KCTD16: variants seen among roughly 807,000 people sequenced by gnomAD.
KCTD16 encodes the protein BTB/POZ domain-containing protein KCTD16.
A neutral mutation model predicts 33.2 loss-of-function variants in KCTD16; 13 were observed. The ratio of observed to expected loss-of-function variants is 0.39; its 90% confidence interval spans 0.25 to 0.62. KCTD16 has a LOEUF of 0.62. KCTD16 is among the 20% of genes least tolerant of loss of function. The pLI, the probability that KCTD16 is intolerant of heterozygous loss-of-function variation, is 0.50. For missense variants in KCTD16, 441 were observed against 525.1 expected (o/e 0.84, Z 1.57); for synonymous variants, 197 against 195.3 (o/e 1.01, Z -0.07).
At chr5:144,292,878 A>G (rs1032732409) in intron 3 of KCTD16, among the ~76,000 whole-genome samples, 5 of 152,126 alleles carry the variant, frequency 3.3e-5, no homozygotes, top group African/African-American at 1.2e-4. Context: ...CGGGTTGCAC[A>G]TGTTTTAGAA....
rs138548058 is a variant in KCTD16, at chr5:144,436,958, T to C, written c.833-36702T>C. Among the ~76,000 whole-genome samples the C allele has an allele frequency of 7.2e-3, 1,098 of 152,270 alleles. 9 individuals are homozygous for C. The highest frequency in any genetic ancestry group is 0.025 in the African/African-American group (1,052 of 41,548). On this transcript the variant is annotated intron_variant, in intron 3 of 3. Coordinates refer to ENST00000512467, the MANE Select transcript of KCTD16 (RefSeq NM_020768.4). ...AAATGACTATAATAATATGTACTAC[T>C]GGTATTAATCAACATTCTTGGCTGT...
intron 3 of KCTD16, among the ~76,000 whole-genome samples, chr5:144,415,060 G>C (rs906896928): frequency 6.6e-6 from 1 of 152,128 alleles, no homozygotes; most frequent in Non-Finnish European, 1.5e-5. Context: ...GAGTTCTTGA[G>C]CCTGGGAAGT....
At chr5:144,199,707 A>ATTTTTTTTTTTTTT (rs574670606) in intron 2 of KCTD16, among the ~76,000 whole-genome samples, 2 of 67,738 alleles carry the variant, frequency 3.0e-5, no homozygotes, top group African/African-American at 1.2e-4. Context: ...GAACAGCTTC[A>ATTTTTTTTTTTTTT]TTTTTTTTTT....
rs948432959 is a variant in KCTD16, at chr5:144,304,307, G to A, written c.832+96761G>A. On this transcript the variant is annotated intron_variant, in intron 3 of 3. Transcript: ENST00000512467. The stretch of plus-strand genomic sequence containing the variant: ...TCCTGAAGTGCAGCATGAAGCACAT[G>A]TGACATAGCAGCAATAAGTCATCTT... 7.9e-5 allele frequency among the ~76,000 whole-genome samples: 12 copies of A among 152,160 alleles called. 1 individual carries two copies. The highest frequency in any genetic ancestry group is 7.2e-4 in the Admixed American group (11 of 15,280).
chr5:144,294,119 A>G (rs939958429), intron 3 of KCTD16, among the ~76,000 whole-genome samples: 6 of 152,140 alleles, frequency 3.9e-5, no homozygotes, highest in Non-Finnish European at 8.8e-5. Flanking sequence ...AGGTTGCCCC[A>G]CTACACTCCA....
intron 3 of KCTD16, among the ~76,000 whole-genome samples, chr5:144,411,795 A>T (rs1418841608): frequency 6.6e-6 from 1 of 152,218 alleles, no homozygotes; most frequent in Non-Finnish European, 1.5e-5. Context: ...CTGACAAGAG[A>T]TTAATAACCA....
In KCTD16 at chr5:144,452,297, C is replaced by T. The variant is rs552284124; in HGVS notation, c.833-21363C>T. On this transcript the variant is annotated intron_variant, in intron 3 of 3. Coordinates refer to ENST00000512467, the MANE Select transcript of KCTD16 (RefSeq NM_020768.4). ...TTGAACATACTATGTAAAATTTAAC[C>T]AATTTTAAGAAATGGGATTGGTGAA... Among the ~76,000 whole-genome samples the T allele has an allele frequency of 7.3e-5, 11 of 151,664 alleles. No homozygotes were observed. In the East Asian group the frequency reaches 1.9e-3, roughly 27 times the overall value.
intron 3 of KCTD16, among the ~76,000 whole-genome samples, chr5:144,366,464 C>A (rs2126920390): frequency 6.6e-6 from 1 of 152,294 alleles, no homozygotes; most frequent in Non-Finnish European, 1.5e-5. Context: ...CAGTTCCCAT[C>A]AATTCCAATA....
chr5:144,241,834 A>G (rs1395542562), intron 3 of KCTD16, among the ~76,000 whole-genome samples: 6 of 152,192 alleles, frequency 3.9e-5, no homozygotes, highest in Non-Finnish European at 8.8e-5. Flanking sequence ...CCCTAGGAAA[A>G]AACAACACAA....
Position 144,206,653 on chromosome 5 carries a change from A to T in KCTD16, c.-62A>T. ...TTCTTACAAGTTGATCCAAAGGATAAGGCTGTGACTCCATTGGATTGCACC... is the reference window on the plus strand; with the variant it reads ...TTCTTACAAGTTGATCCAAAGGATATGGCTGTGACTCCATTGGATTGCACC... On this transcript the variant is annotated 5_prime_UTR_variant, in exon 3 of 4. It adds an upstream start codon to the 5' untranslated region. Transcript: ENST00000512467. The T allele has an allele frequency of 7.4e-7, 1 of 1,358,730 alleles. No individual in the cohort carries two copies. The highest frequency in any genetic ancestry group is 1.0e-6 in the Non-Finnish European group (1 of 977,054). The allele number at this position is 1,358,730 out of a possible 1,614,324, so 84.2% of individuals were successfully genotyped here.
chr5:144,438,613 AG>A (rs1238771071), intron 3 of KCTD16, among the ~76,000 whole-genome samples: 1 of 152,208 alleles, frequency 6.6e-6, no homozygotes, highest in Non-Finnish European at 1.5e-5. Flanking sequence ...TGGTTGATGC[AG>A]GATGCTCTGT....
At position 144,249,411 on chromosome 5, in the gene KCTD16, T is replaced by A. The variant is rs192362063; in HGVS notation, c.832+41865T>A. On this transcript the variant is annotated intron_variant, in intron 3 of 3. Coordinates refer to ENST00000512467, the MANE Select transcript of KCTD16 (RefSeq NM_020768.4). ...ATTTATTTATTTATACATTCATTGATTGTCTCCTTCCCCTCCCCTCTCCCA... is the reference window on the plus strand; with the variant it reads ...ATTTATTTATTTATACATTCATTGAATGTCTCCTTCCCCTCCCCTCTCCCA... 1.9e-4 allele frequency among the ~76,000 whole-genome samples: 29 copies of A among 152,256 alleles called. No homozygotes were observed. The East Asian group carries it at 4.6e-3, about 24-fold the overall frequency.
At chr5:144,273,480 A>G (rs1755357026) in intron 3 of KCTD16, among the ~76,000 whole-genome samples, 1 of 152,194 alleles carries the variant, frequency 6.6e-6, no homozygotes, top group African/African-American at 2.4e-5. Flanking sequence ...GTATTTGCCC[A>G]AAAGAATTGA....
intron 3 of KCTD16, among the ~76,000 whole-genome samples, chr5:144,251,170 G>C (rs1754690425): frequency 6.6e-6 from 1 of 152,114 alleles, no homozygotes; most frequent in Admixed American, 6.6e-5. Flanking sequence ...GGCGAAGCTT[G>C]AAGAATTAAA....
chr5:144,384,230 G>A (rs1055170517), intron 3 of KCTD16: 1 of 152,144 alleles, frequency 6.6e-6, no homozygotes, highest in African/African-American at 2.4e-5. Flanking sequence ...TGCAAAATGG[G>A]TTGCCATCAT....
chr5:144,330,411 CAAAA>C (rs10577099), intron 3 of KCTD16, among the ~76,000 whole-genome samples: 13,736 of 87,136 alleles, frequency 0.16, 727 homozygotes, highest in Non-Finnish European at 0.19. Context: ...GAAACTCCAT[CAAAA>C]AAAAAAAAAA....
intron 2 of KCTD16, among the ~76,000 whole-genome samples, chr5:144,189,789 C>T (rs189758929): frequency 2.0e-5 from 3 of 152,252 alleles, no homozygotes; most frequent in Non-Finnish European, 4.4e-5. Context: ...CATTTTAATT[C>T]ACATGGTTGC....
rs967501110 is a variant in KCTD16, at chr5:144,484,778, T to C, written c.*10664T>C. 6.6e-6 allele frequency: 1 copy of C among 152,010 alleles called. No individual in the cohort carries two copies. The highest frequency in any genetic ancestry group is 2.4e-5 in the African/African-American group (1 of 41,434). 9.4% of individuals were successfully genotyped at this position (152,010 alleles called of 1,614,324 possible). ...ATGACTTGGGTCAGTTTGTTGCACATTGATGAATAACAAGTGACACCCAAT... is the reference window on the plus strand; with the variant it reads ...ATGACTTGGGTCAGTTTGTTGCACACTGATGAATAACAAGTGACACCCAAT... On this transcript the variant is annotated 3_prime_UTR_variant, in exon 4 of 4. Coordinates refer to ENST00000512467, the MANE Select transcript of KCTD16 (RefSeq NM_020768.4).
intron 3 of KCTD16, among the ~76,000 whole-genome samples, chr5:144,344,910 G>A (rs1228626771): frequency 6.6e-6 from 1 of 151,656 alleles, no homozygotes; most frequent in African/African-American, 2.4e-5. Flanking sequence ...GCACACGTAT[G>A]TTTATTGCGG....
Sources: gnomAD v4.1 joint callset for allele counts (sites outside exome capture counted in the v4.1 genomes callset) on GRCh38, gnomAD v4.1.1 for gene constraint, MANE v1.5 for transcripts, NCBI Gene and HGNC (gene_info 2026-07-23, HGNC 2026-07-21) for gene names.